ZWILCH: variants seen among roughly 807,000 people sequenced by gnomAD.
ZWILCH encodes zwilch kinetochore protein.
In ZWILCH, 74 loss-of-function variants were observed where a neutral mutation model predicts 79.9. The observed-to-expected ratio is 0.93, with a 90% confidence interval of 0.77 to 1.12. ZWILCH has a LOEUF of 1.12. ZWILCH is among the 50% of genes most tolerant of loss of function. ZWILCH has a pLI of 0.00. For missense variants in ZWILCH, 694 were observed against 687.5 expected (o/e 1.01, Z -0.11); for synonymous variants, 241 against 228.2 (o/e 1.06, Z -0.51).
rs536070114 is a variant in ZWILCH, at chr15:66,531,450, A to AATTTT, written c.1156-776_1156-772dup. Among the ~76,000 whole-genome samples, 441 of 151,976 alleles carry AATTTT rather than the reference A, an allele frequency of 2.9e-3. 1 individual carries two copies. The highest frequency in any genetic ancestry group is 7.7e-3 in the African/African-American group (319 of 41,462). ...CACATGAGATAGGAATGGCTTTTTA[A>AATTTT]ATTTTATTTTATTTTATTTTATTTT... is the stretch of plus-strand genomic sequence containing the variant. On this transcript the variant is annotated intron_variant, in intron 12 of 18. Coordinates refer to ENST00000307897, the MANE Select transcript of ZWILCH (RefSeq NM_017975.5).
intron 4 of ZWILCH, among the ~76,000 whole-genome samples, chr15:66,517,698 A>AT (rs1159482681): frequency 1.4e-5 from 1 of 70,230 alleles, no homozygotes; most frequent in African/African-American, 5.4e-5. Context: ...TTTTGTGTTT[A>AT]TTGGGTCCTA....
chr15:66,544,724 T>TTTTTTGTGTG lies in ZWILCH; in HGVS notation c.1688-1866_1688-1865insTTTTGTGTGT, dbSNP rs145952622. Among the ~76,000 whole-genome samples, 882 of 128,528 alleles carry TTTTTTGTGTG rather than the reference T, an allele frequency of 6.9e-3. 6 individuals are homozygous for TTTTTTGTGTG. The highest frequency in any genetic ancestry group is 0.016 in the East Asian group (66 of 4,060). The allele number at this position is 128,528 out of a possible 152,430, so 84.3% of individuals were successfully genotyped here. On this transcript the variant is annotated intron_variant, in intron 17 of 18. Transcript: ENST00000307897. ...TGTTTTTTTGTTGTTTTTTTGGTTTTTGTGTGTGTGTGTGTGTGTGTGTGT... is the reference window on the plus strand; with the variant it reads ...TGTTTTTTTGTTGTTTTTTTGGTTTTTTTTTGTGTGTGTGTGTGTGTGTGTGTGTGTGTGT...
Position 66,533,118 on chromosome 15 carries a change from G to A in ZWILCH, c.1341+105G>A, listed in dbSNP as rs1014985156. On this transcript the variant is annotated intron_variant, in intron 14 of 18. Transcript: ENST00000307897. The stretch of plus-strand genomic sequence containing the variant: ...TGCTAGCCACTGTCTTAGGTCCTGG[G>A]AAATGGATAAATAAGACAGTCAGTG... The A allele has an allele frequency of 7.3e-6, 5 of 687,394 alleles. No individual in the cohort carries two copies. The African/African-American group carries it at 9.3e-5, about 13-fold the overall frequency. 42.6% of individuals were successfully genotyped at this position (687,394 alleles called of 1,614,324 possible).
In ZWILCH at chr15:66,507,790, C is replaced by T. The variant is rs114883675; in HGVS notation, c.54-1051C>T. ...TAAAAATACAAAAAGAAAATTAACCCGGCGTGGTGGCAGGCTCCTGTAGTC... is the reference window on the plus strand; with the variant it reads ...TAAAAATACAAAAAGAAAATTAACCTGGCGTGGTGGCAGGCTCCTGTAGTC... On this transcript the variant is annotated intron_variant, in intron 1 of 18. Transcript: ENST00000307897. 1.6e-3 allele frequency among the ~76,000 whole-genome samples: 242 copies of T among 152,022 alleles called. 2 individuals carry two copies. Among genetic ancestry groups the T allele is most frequent in the Non-Finnish European group, 1.4e-3 (96 of 67,956 alleles).
At chr15:66,505,564 T>C (rs992698157) in intron 1 of ZWILCH, 173 bp downstream of exon 1, 2 of 673,230 alleles carry the variant, frequency 3.0e-6, no homozygotes, top group Non-Finnish European at 5.0e-6. Flanking sequence ...GGGTTGACCG[T>C]GTGGGAGCTT....
chr15:66,527,667 G>T (rs1421141020), intron 9 of ZWILCH, among the ~76,000 whole-genome samples, 190 bp from the exon 10 acceptor site: 1 of 152,114 alleles, frequency 6.6e-6, no homozygotes, highest in African/African-American at 2.4e-5. Context: ...GGGCTTTTCT[G>T]TTACCTCCGT....
At position 66,545,785 on chromosome 15, in the gene ZWILCH, A is replaced by C. The variant is rs151293856; in HGVS notation, c.1688-806A>C. On this transcript the variant is annotated intron_variant, in intron 17 of 18. Transcript: ENST00000307897. ...GTAAAAGTCATGGGCTATTCAAACA[A>C]AGTCTTAATTGTAAATATGGCCTAA... Among the ~76,000 whole-genome samples the C allele has an allele frequency of 5.1e-4, 77 of 152,330 alleles. 1 individual carries two copies. The East Asian group carries it at 0.013, about 26-fold the overall frequency.
chr15:66,521,287 C>T lies in ZWILCH; in HGVS notation c.747+82C>T, dbSNP rs541541604. ...CTTGGTTGTTGCTGGTGCTCCATGC[C>T]TCTAGCCTTGGCACTTGCTGAGTGT... On this transcript the variant is annotated intron_variant, in intron 7 of 18. Coordinates refer to ENST00000307897, the MANE Select transcript of ZWILCH (RefSeq NM_017975.5). 5.4e-5 allele frequency: 81 copies of T among 1,511,962 alleles called. No individual in the cohort carries two copies. In the African/African-American group the frequency reaches 1.0e-3, roughly 19 times the overall value. The allele number at this position is 1,511,962 out of a possible 1,614,324, so 93.7% of individuals were successfully genotyped here.
chr15:66,532,297 T>C lies in ZWILCH; in HGVS notation c.1206T>C (p.Tyr402=). 1.2e-6 allele frequency: 2 copies of C among 1,611,864 alleles called. No individual in the cohort carries two copies. Among genetic ancestry groups the C allele is most frequent in the Non-Finnish European group, 1.7e-6 (2 of 1,179,052 alleles). The change falls in exon 13 of 19, where the codon TAT becomes TAC. Residue 402 remains tyrosine, a synonymous_variant. Coordinates refer to ENST00000307897, the MANE Select transcript of ZWILCH (RefSeq NM_017975.5). ...SLLSKLIHQS[Y]HGTMDTVSLS... is the part of the protein sequence containing the mutation. ...TAAGTAAGCTCATTCATCAGTCTTA[T>C]CATGGAACCATGGACACAGTTTCTC...
chr15:66,509,819 CTACATATA>C (rs1225406253), intron 2 of ZWILCH, among the ~76,000 whole-genome samples: 74 of 49,842 alleles, frequency 1.5e-3, no homozygotes, highest in African/African-American at 4.1e-3. Flanking sequence ...GTGTGTGTGG[CTACATATA>C]TATATATATA....
chr15:66,542,837 A>G (rs981462740), intron 17 of ZWILCH, among the ~76,000 whole-genome samples: 3 of 152,192 alleles, frequency 2.0e-5, no homozygotes, highest in African/African-American at 7.2e-5. Context: ...TAAAAAATGT[A>G]AAAGAATAAA....
At chr15:66,508,608 A>C (rs1381680126) in intron 1 of ZWILCH, 3 of 660,950 alleles carry the variant, frequency 4.5e-6, no homozygotes, top group Non-Finnish European at 6.5e-6. Flanking sequence ...TGAGGGCAAC[A>C]GTCTATTAAT....
rs756318930 is a variant in ZWILCH, at chr15:66,536,077, C to T, written c.1478+8C>T. 8 of 1,588,220 alleles carry T rather than the reference C, an allele frequency of 5.0e-6. No homozygotes were observed. In the African/African-American group the frequency reaches 9.5e-5, roughly 19 times the overall value. ...CCTCTTTTCTTTAACACAGTAAGTA[C>T]ATCTGTATTCTTCACTTATATAGAA... On this transcript the variant is annotated splice_region_variant and intron_variant, in intron 15 of 18. Transcript: ENST00000307897.
chr15:66,509,271 A>G (rs753342946), intron 2 of ZWILCH, among the ~76,000 whole-genome samples: 7 of 152,166 alleles, frequency 4.6e-5, no homozygotes, highest in Non-Finnish European at 1.0e-4. Flanking sequence ...GTCACCACCT[A>G]TAATCAAGAT....
At chr15:66,520,730 T>G (rs1410874224) in intron 6 of ZWILCH, 70 bp downstream of exon 6, 6 of 1,033,592 alleles carry the variant, frequency 5.8e-6, no homozygotes, top group Non-Finnish European at 8.6e-6. Flanking sequence ...AGTTTACAGG[T>G]TTTTTTTCAC....
intron 2 of ZWILCH, among the ~76,000 whole-genome samples, 172 bp downstream of exon 2, chr15:66,509,064 C>T (rs535952677): frequency 3.7e-4 from 56 of 152,248 alleles, no homozygotes; most frequent in Middle Eastern, 3.4e-3. Flanking sequence ...CTCAGCCTCC[C>T]GAGTAGCTGG....
chr15:66,506,357 CTA>C (rs1893819260), intron 1 of ZWILCH, among the ~76,000 whole-genome samples: 1 of 152,152 alleles, frequency 6.6e-6, no homozygotes, highest in Non-Finnish European at 1.5e-5. Flanking sequence ...GTATTTCACT[CTA>C]TGGCTGTTTC....
chr15:66,527,980 T>C (rs1209133702), intron 10 of ZWILCH, 68 bp downstream of exon 10: 2 of 1,350,456 alleles, frequency 1.5e-6, no homozygotes, highest in Admixed American at 4.7e-5. Flanking sequence ...TGCTGACATC[T>C]TTCATGTTGT....
At chr15:66,518,590 A>G (rs554886985) in intron 4 of ZWILCH, among the ~76,000 whole-genome samples, 2 of 152,320 alleles carry the variant, frequency 1.3e-5, no homozygotes, top group South Asian at 4.1e-4. Flanking sequence ...AGGCAGAAGA[A>G]TTGCTTGAGG....
Sources: gnomAD v4.1 joint callset for allele counts (sites outside exome capture counted in the v4.1 genomes callset) on GRCh38, gnomAD v4.1.1 for gene constraint, MANE v1.5 for transcripts, NCBI Gene and HGNC (gene_info 2026-07-23, HGNC 2026-07-21) for gene names.